The following RIMS1 variants were observed in gnomAD, a reference collection of about 807,000 sequenced individuals.
RIMS1 encodes the protein regulating synaptic membrane exocytosis protein 1.
In RIMS1, 83 loss-of-function variants were observed where a neutral mutation model predicts 214.1. The ratio of observed to expected loss-of-function variants is 0.39; its 90% confidence interval spans 0.32 to 0.47. The LOEUF is 0.47. Ranked by LOEUF, RIMS1 falls within the 20% of genes least tolerant of loss-of-function variation. The pLI, the probability that RIMS1 is intolerant of heterozygous loss-of-function variation, is 0.99. For synonymous variants in RIMS1, 793 were observed against 786.8 expected (o/e 1.01, Z -0.13); for missense variants, 2,050 against 2,161.8 (o/e 0.95, Z 1.03).
At chr6:72,053,914 AT>A (rs1261786559) in intron 2 of RIMS1, among the ~76,000 whole-genome samples, 5 of 151,946 alleles carry the variant, frequency 3.3e-5, no homozygotes, top group Non-Finnish European at 7.4e-5. Context: ...TTTTATTTTT[AT>A]TTTTTTATTT....
chr6:72,340,293 A>T (rs1200648114), intron 29 of RIMS1, among the ~76,000 whole-genome samples: 2 of 151,494 alleles, frequency 1.3e-5, no homozygotes, highest in African/African-American at 2.4e-5. Context: ...GTTTAATTAG[A>T]TCCCATTTGT....
At chr6:72,193,286 T>G (rs1348734009) in intron 6 of RIMS1, among the ~76,000 whole-genome samples, 1 of 152,186 alleles carries the variant, frequency 6.6e-6, no homozygotes, top group Non-Finnish European at 1.5e-5. Flanking sequence ...ATCTCTGAAG[T>G]TAGTGTTAAA....
chr6:72,333,460 G>A (rs567738175), intron 28 of RIMS1, 140 bp from the exon 29 acceptor site: 7 of 616,778 alleles, frequency 1.1e-5, no homozygotes, highest in South Asian at 8.2e-5. Context: ...TAAAGTATTT[G>A]TAGGTATAGA....
At chr6:72,235,872 AT>A (rs2063804639) in intron 8 of RIMS1, 144 bp downstream of exon 8, 3 of 376,556 alleles carry the variant, frequency 8.0e-6, no homozygotes, top group African/African-American at 7.5e-5. Flanking sequence ...TGTTAGGAAA[AT>A]TGAATAAAAT....
rs374660842 is a variant in RIMS1, at chr6:72,082,435, C to A, written c.246-14514C>A. Among the ~76,000 whole-genome samples the A allele has an allele frequency of 4.6e-5, 7 of 152,108 alleles. No homozygotes were observed. The East Asian group carries it at 5.8e-4, about 13-fold the overall frequency. On this transcript the variant is annotated intron_variant, in intron 2 of 33. Coordinates refer to ENST00000521978, the MANE Select transcript of RIMS1 (RefSeq NM_014989.7). ...CCCCACAGTAGGTAGGCATTATTATCCTCCTTTTACAGAGGAAGAGGTGGA... is the reference window on the plus strand; with the variant it reads ...CCCCACAGTAGGTAGGCATTATTATACTCCTTTTACAGAGGAAGAGGTGGA...
At chr6:71,997,525 T>C (rs1803824636) in intron 2 of RIMS1, among the ~76,000 whole-genome samples, 2 of 152,210 alleles carry the variant, frequency 1.3e-5, no homozygotes, top group Admixed American at 1.3e-4. Flanking sequence ...GCTGAAATGT[T>C]AGAAATCATC....
intron 28 of RIMS1, among the ~76,000 whole-genome samples, chr6:72,324,031 GA>G (rs1228065156): frequency 2.8e-5 from 2 of 70,198 alleles, no homozygotes; most frequent in African/African-American, 1.3e-4. Flanking sequence ...TGCATGCATA[GA>G]TAGATAGATA....
intron 30 of RIMS1, chr6:72,391,027 A>T: frequency 3.8e-6 from 1 of 263,602 alleles, no homozygotes; most frequent in Non-Finnish European, 7.1e-6. Flanking sequence ...TAGTGTACAA[A>T]TGCCACAGGT....
chr6:72,230,838 T>C (rs1034441411), intron 6 of RIMS1, among the ~76,000 whole-genome samples: 2 of 151,636 alleles, frequency 1.3e-5, no homozygotes, highest in African/African-American at 4.8e-5. Flanking sequence ...CTCAAAATTA[T>C]AACACTTCAT....
intron 29 of RIMS1, among the ~76,000 whole-genome samples, chr6:72,358,846 T>C (rs2097729693): frequency 6.6e-6 from 1 of 152,172 alleles, no homozygotes; most frequent in Non-Finnish European, 1.5e-5. Flanking sequence ...AGGCTCCAGC[T>C]AACTACCTAG....
intron 2 of RIMS1, among the ~76,000 whole-genome samples, chr6:72,032,731 G>T (rs868454960): frequency 1.3e-5 from 2 of 152,232 alleles, no homozygotes; most frequent in South Asian, 4.1e-4. Context: ...AAAATTCTAT[G>T]ATCTATATGT....
At position 72,399,010 on chromosome 6, in the gene RIMS1, G is replaced by C. The variant is rs982572923; in HGVS notation, c.4776G>C (p.Lys1592Asn). ...ATGGGGCCTGTATAGCCAAGAAGAA[G>C]ACAAGAATTGCACGAAAAACCCTTG... ...LENGACIAKK[K>N]TRIARKTLDP... is the part of the protein sequence containing the mutation. The change falls in exon 33 of 34, where the codon AAG (lysine) becomes AAC (asparagine). Residue 1592 changes from lysine (K) to asparagine (N), a missense_variant. Lys to Asn is a moderately conservative substitution (Grantham distance 94). Coordinates refer to ENST00000521978, the MANE Select transcript of RIMS1 (RefSeq NM_014989.7). The C allele has an allele frequency of 6.2e-7, 1 of 1,610,490 alleles. No individual in the cohort carries two copies. Among genetic ancestry groups the C allele is most frequent in the Admixed American group, 1.7e-5 (1 of 59,952 alleles).
intron 6 of RIMS1, among the ~76,000 whole-genome samples, chr6:72,186,725 A>G (rs1394269555): frequency 2.0e-5 from 3 of 151,872 alleles, no homozygotes; most frequent in Non-Finnish European, 2.9e-5. Flanking sequence ...AAATATTATA[A>G]TTTAAGAATT....
chr6:72,196,395 C>G (rs1401051649), intron 6 of RIMS1, among the ~76,000 whole-genome samples: 1 of 151,534 alleles, frequency 6.6e-6, no homozygotes, highest in Non-Finnish European at 1.5e-5. Flanking sequence ...ATCTATCTAT[C>G]TATCTATCTA....
chr6:72,391,470 GT>G (rs990358817), intron 30 of RIMS1, among the ~76,000 whole-genome samples: 2 of 150,634 alleles, frequency 1.3e-5, no homozygotes, highest in Admixed American at 6.6e-5. Context: ...TTACAAATAA[GT>G]AATTAATGTG....
In RIMS1 at chr6:72,059,277, A is replaced by T. The variant is rs147544516; in HGVS notation, c.246-37672A>T. ...GCTCTCGCTCTGTTGCCCACGCTGC[A>T]GTATAGTGCTACAATCACAGCTCAC... On this transcript the variant is annotated intron_variant, in intron 2 of 33. Coordinates refer to ENST00000521978, the MANE Select transcript of RIMS1 (RefSeq NM_014989.7). Among the ~76,000 whole-genome samples the T allele has an allele frequency of 4.1e-3, 621 of 152,308 alleles. 2 individuals carry two copies. The highest frequency in any genetic ancestry group is 6.5e-3 in the Non-Finnish European group (443 of 68,020).
intron 4 of RIMS1, among the ~76,000 whole-genome samples, chr6:72,178,303 TTA>T (rs1399362664): frequency 6.6e-6 from 1 of 152,218 alleles, no homozygotes; most frequent in African/African-American, 2.4e-5. Flanking sequence ...TGTCTTTTTC[TTA>T]TTCTTATTTT....
chr6:72,107,870 T>C (rs977082670), intron 4 of RIMS1, among the ~76,000 whole-genome samples: 1 of 152,222 alleles, frequency 6.6e-6, no homozygotes, highest in Non-Finnish European at 1.5e-5. Context: ...CTAATGTTTA[T>C]TAGGCATGTC....
rs1463180434 is a variant in RIMS1 at position 72,221,322 on chromosome 6, GA to G, written c.1679-12450del. Reference sequence around the variant, plus strand: ...TGTGTGTGTGTGTGTGTGTGTGTGTGATTTTTTTTTTCTCATTAAAACTATT... The same window carrying G: ...TGTGTGTGTGTGTGTGTGTGTGTGTGTTTTTTTTTTCTCATTAAAACTATT... On this transcript the variant is annotated intron_variant, in intron 6 of 33. Transcript: ENST00000521978. Among the ~76,000 whole-genome samples, 655 of 150,148 alleles carry G rather than the reference GA, an allele frequency of 4.4e-3. 9 individuals carry two copies. The highest frequency in any genetic ancestry group is 0.015 in the African/African-American group (615 of 40,902).
Sources: gnomAD v4.1 joint callset for allele counts (sites outside exome capture counted in the v4.1 genomes callset) on GRCh38, gnomAD v4.1.1 for gene constraint, MANE v1.5 for transcripts, NCBI Gene and HGNC (gene_info 2026-07-23, HGNC 2026-07-21) for gene names.